CCDC141: variants seen among roughly 807,000 people sequenced by gnomAD.
The protein encoded by CCDC141 is coiled-coil domain-containing protein 141.
Under a neutral mutation model 181.0 loss-of-function variants are expected in CCDC141, and 168 were observed. That is an observed-to-expected ratio of 0.93 (90% CI 0.82 to 1.05). CCDC141 has a LOEUF of 1.05. Ranked by LOEUF, CCDC141 falls within the 50% of genes least tolerant of loss-of-function variation. The pLI is 0.00. For synonymous variants in CCDC141, 666 were observed against 642.3 expected (o/e 1.04, Z -0.56); for missense variants, 1,902 against 1,788.5 (o/e 1.06, Z -1.14).
chr2:178,823,473 G>A, the CCDC141 span, among the ~76,000 whole-genome samples: 1 of 152,006 alleles, frequency 6.6e-6, no homozygotes, highest in Non-Finnish European at 1.5e-5. Flanking sequence ...ATTTGTTCCC[G>A]CAGTAATCAT....
At chr2:178,817,634 G>T in the CCDC141 span, 1 of 466,062 alleles carries the variant, frequency 2.1e-6, no homozygotes. Flanking sequence ...CTTCCTGGAG[G>T]TTGACAGGTC....
chr2:178,987,184 C>A (rs1185368103), intron 2 of CCDC141, among the ~76,000 whole-genome samples: 1 of 138,824 alleles, frequency 7.2e-6, no homozygotes. Context: ...ACTATCTGAT[C>A]TTTGACAAAC....
intron 4 of CCDC141, among the ~76,000 whole-genome samples, chr2:178,964,922 TG>T: frequency 6.6e-6 from 1 of 152,326 alleles, no homozygotes; most frequent in South Asian, 2.1e-4. Context: ...TTAATTGTTT[TG>T]ATTAATTTTC....
chr2:179,021,236 C>A (rs143459090), intron 2 of CCDC141, among the ~76,000 whole-genome samples: 5 of 152,304 alleles, frequency 3.3e-5, no homozygotes, highest in African/African-American at 1.2e-4. Context: ...TGCTGACAGG[C>A]ATAATGAATT....
At chr2:178,880,827 C>T (rs562589699) in intron 11 of CCDC141, among the ~76,000 whole-genome samples, 2 of 152,288 alleles carry the variant, frequency 1.3e-5, no homozygotes, top group South Asian at 4.2e-4. Flanking sequence ...GAAGCTTCTA[C>T]ATAGGATTCC....
intron 6 of CCDC141, among the ~76,000 whole-genome samples, chr2:178,920,342 T>C (rs1302066543): frequency 6.6e-6 from 1 of 152,256 alleles, no homozygotes; most frequent in African/African-American, 2.4e-5. Context: ...CATTATTGTT[T>C]CCATTCATTC....
rs756992417 is a variant in CCDC141 at position 178,833,896 on chromosome 2, A to C, written c.*277T>G. Reference sequence around the variant, plus strand: ...CCTTAAATTAGGAGGGAATAGGCATAGAATAATTTTGCTGCATATTATGTT... The same window carrying C: ...CCTTAAATTAGGAGGGAATAGGCATCGAATAATTTTGCTGCATATTATGTT... On this transcript the variant is annotated 3_prime_UTR_variant, in exon 24 of 24. Coordinates refer to ENST00000443758, the MANE Select transcript of CCDC141 (RefSeq NM_173648.4). 2.8e-6 allele frequency: 1 copy of C among 352,188 alleles called. No homozygotes were observed. Among genetic ancestry groups the C allele is most frequent in the Non-Finnish European group, 5.2e-6 (1 of 193,224 alleles). The allele number at this position is 352,188 out of a possible 1,614,324, so 21.8% of individuals were successfully genotyped here.
the CCDC141 span, among the ~76,000 whole-genome samples, chr2:178,818,418 T>A: frequency 1.7e-3 from 256 of 152,306 alleles, 1 homozygote; most frequent in Non-Finnish European, 2.9e-3. Flanking sequence ...CTATTCATCC[T>A]GATGCTCTCC....
intron 4 of CCDC141, among the ~76,000 whole-genome samples, chr2:178,969,707 A>C (rs1690797698): frequency 6.6e-6 from 1 of 152,222 alleles, no homozygotes; most frequent in African/African-American, 2.4e-5. Context: ...TCCTTTGAAA[A>C]CCAGCACAAG....
chr2:178,846,056 T>C (rs1684927277), intron 21 of CCDC141, among the ~76,000 whole-genome samples: 1 of 152,112 alleles, frequency 6.6e-6, no homozygotes, highest in South Asian at 2.1e-4. Context: ...TCATTATGCA[T>C]GGCAGTGTAA....
intron 2 of CCDC141, among the ~76,000 whole-genome samples, chr2:178,983,740 T>A (rs1691564432): frequency 6.6e-6 from 1 of 151,368 alleles, no homozygotes; most frequent in Non-Finnish European, 1.5e-5. Context: ...ATCAATGAAA[T>A]GAAGTGAGAA....
chr2:178,834,696 A>G (rs560136006), intron 23 of CCDC141, among the ~76,000 whole-genome samples: 1 of 151,886 alleles, frequency 6.6e-6, no homozygotes, highest in South Asian at 2.1e-4. Context: ...TCAGGCTCTC[A>G]AGTAGCTGGG....
At chr2:179,007,139 G>A (rs917509238) in intron 2 of CCDC141, among the ~76,000 whole-genome samples, 1 of 152,310 alleles carries the variant, frequency 6.6e-6, no homozygotes, top group South Asian at 2.1e-4. Flanking sequence ...CTTTTCTGCT[G>A]AGGGTATCTG....
chr2:178,988,068 C>T (rs1304599561), intron 2 of CCDC141, among the ~76,000 whole-genome samples: 1 of 151,930 alleles, frequency 6.6e-6, no homozygotes, highest in Non-Finnish European at 1.5e-5. Context: ...TGGAACCAAC[C>T]CAGATGTCCA....
At chr2:178,911,376 A>C (rs1688211409) in intron 7 of CCDC141, among the ~76,000 whole-genome samples, 1 of 152,244 alleles carries the variant, frequency 6.6e-6, no homozygotes, top group Non-Finnish European at 1.5e-5. Flanking sequence ...GCCAATGCAC[A>C]GGGAAGTTAA....
chr2:178,864,560 A>G (rs1302968310), intron 17 of CCDC141, among the ~76,000 whole-genome samples: 2 of 152,168 alleles, frequency 1.3e-5, no homozygotes, highest in African/African-American at 2.4e-5. Context: ...GCTGAAATGA[A>G]CATCATTATC....
intron 6 of CCDC141, chr2:178,926,813 A>G (rs371370922): frequency 1.3e-5 from 2 of 152,230 alleles, no homozygotes; most frequent in African/African-American, 2.4e-5. Flanking sequence ...GAGAAATGAT[A>G]AATGTTTGAG....
chr2:178,860,765 C>T (rs895708158), intron 17 of CCDC141, among the ~76,000 whole-genome samples: 6 of 151,742 alleles, frequency 4.0e-5, no homozygotes, highest in Non-Finnish European at 8.8e-5. Context: ...CAGCCGCTAG[C>T]GGCTGAAAGT....
chr2:179,038,747 AG>A (rs2043211819), intron 2 of CCDC141, among the ~76,000 whole-genome samples: 1 of 152,176 alleles, frequency 6.6e-6, no homozygotes, highest in Admixed American at 6.5e-5. Flanking sequence ...AGAGGAAACC[AG>A]TAAATTTATG....
Sources: allele counts gnomAD v4.1 joint callset (sites outside exome capture counted in the v4.1 genomes callset), GRCh38; gene constraint gnomAD v4.1.1; transcripts MANE v1.5; gene names NCBI Gene and HGNC (gene_info 2026-07-23, HGNC 2026-07-21).